Variants in TMCC2 observed in about 807,000 individuals in gnomAD.
TMCC2 encodes transmembrane and coiled-coil domain family 2, also known as transmembrane and coiled-coil domains protein 2.
TMCC2 carries 16 observed loss-of-function variants against 49.4 expected under a neutral mutation model. The observed-to-expected ratio is 0.32, with a 90% CI of 0.22 to 0.49. The LOEUF is 0.49. TMCC2 is among the 20% of genes least tolerant of loss of function. TMCC2 has a pLI of 0.99. For synonymous variants in TMCC2, 397 were observed against 434.1 expected (o/e 0.91, Z 1.06); for missense variants, 762 against 989.8 (o/e 0.77, Z 3.09).
rs1266026581 is a variant in TMCC2 at position 205,264,760 on chromosome 1, G to A, written c.748-4190G>A. On this transcript the variant is annotated intron_variant, in intron 2 of 4. Transcript: ENST00000358024. This position sits in a 1 kb window ranked among gnomAD's most constrained non-coding sequence, Gnocchi z 4.2. Reference sequence around the variant, plus strand: ...GCCCGCCTTGGCCTCCCAAAGTGCTGGGATTACAGGTGTGAGCCACTGCGC... The same window carrying A: ...GCCCGCCTTGGCCTCCCAAAGTGCTAGGATTACAGGTGTGAGCCACTGCGC... Among the ~76,000 whole-genome samples, 1 of 152,154 alleles carries A rather than the reference G, an allele frequency of 6.6e-6. No individual in the cohort carries two copies. Among genetic ancestry groups the A allele is most frequent in the Non-Finnish European group, 1.5e-5 (1 of 68,034 alleles).
At chr1:205,246,367 T>G in intron 2 of TMCC2, 3 of 591,130 alleles carry the variant, frequency 5.1e-6, no homozygotes, top group Non-Finnish European at 7.2e-6. Context: ...GAAGTGGCTA[T>G]TAAACATCCA....
Position 205,272,258 on chromosome 1 carries a change from T to G in TMCC2, c.*134T>G. On this transcript the variant is annotated 3_prime_UTR_variant, in exon 5 of 5. Coordinates refer to ENST00000358024, the MANE Select transcript of TMCC2 (RefSeq NM_014858.4). ...GTCCATTCCAGCAGCTCCTGCCCCC[T>G]TCTCTGTACTTGCTTCTGTCTGACA... 1.4e-6 allele frequency: 2 copies of G among 1,433,664 alleles called. No homozygotes were observed. The highest frequency in any genetic ancestry group is 1.8e-6 in the Non-Finnish European group (2 of 1,089,492). The allele number at this position is 1,433,664 out of a possible 1,614,324, so 88.8% of individuals were successfully genotyped here.
chr1:205,246,626 C>A, intron 2 of TMCC2: 1 of 1,550,322 alleles, frequency 6.5e-7, no homozygotes, highest in African/African-American at 1.4e-5. Context: ...CAGAATGAAC[C>A]AGGTTGTTCA....
At chr1:205,249,698 C>T (rs981456615) in intron 2 of TMCC2, among the ~76,000 whole-genome samples, 3 of 152,236 alleles carry the variant, frequency 2.0e-5, no homozygotes, top group African/African-American at 7.2e-5. Flanking sequence ...TGGTGGAGGG[C>T]AACTGCCTCC....
rs770054045 is a variant in TMCC2, at chr1:205,241,871, C to T, written c.574C>T (p.Arg192Cys). The change falls in exon 2 of 5, where the codon CGT becomes TGT. Residue 192 changes from arginine to cysteine, a missense_variant. By Grantham distance (180) the Arg-to-Cys change is radical. Transcript: ENST00000358024. The surrounding 1 kb of genome is among the most constrained non-coding windows in gnomAD (Gnocchi z 7.3). ...RTKSSSLEPQ[R>C]GSPHLLRKAP... ...CAAGAGTAGCTCCCTGGAGCCCCAG[C>T]GTGGCAGCCCTCACCTGCTGCGCAA... is the stretch of plus-strand genomic sequence containing the variant. The T allele has an allele frequency of 1.4e-5, 22 of 1,603,140 alleles. No individual in the cohort carries two copies. Among genetic ancestry groups the T allele is most frequent in the Admixed American group, 8.5e-5 (5 of 58,926 alleles).
In TMCC2 at chr1:205,241,108, C is replaced by T. The variant is rs1043505617; in HGVS notation, c.208-397C>T. Among the ~76,000 whole-genome samples the T allele has an allele frequency of 3.3e-5, 5 of 151,936 alleles. No individual in the cohort carries two copies. The East Asian group carries it at 7.7e-4, about 24-fold the overall frequency. On this transcript the variant is annotated intron_variant, in intron 1 of 4. Transcript: ENST00000358024. The surrounding 1 kb of genome is among the most constrained non-coding windows in gnomAD (Gnocchi z 7.3). ...AAAGAACTAGTACAGCTTGAAGGGT[C>T]GTCTAACTTGGAAGGAGGGAAGGAC...
In TMCC2 at chr1:205,241,922, G is replaced by T; in HGVS notation, c.625G>T (p.Ala209Ser). Residue 209 changes from alanine to serine, a missense_variant, in exon 2 of 5, where the codon GCC becomes TCC. Around this residue, in one of 2 missense-constraint regions of TMCC2, gnomAD observed 322 missense variants for 353.1 expected, o/e 0.91. Coordinates refer to ENST00000358024, the MANE Select transcript of TMCC2 (RefSeq NM_014858.4). The surrounding 1 kb of genome is among the most constrained non-coding windows in gnomAD (Gnocchi z 7.3). ...RKAPQDSSLAAILHQHQCRPR... is the reference protein window; with the variant it reads ...RKAPQDSSLASILHQHQCRPR... ...GGCCCCCCAGGACAGCAGCCTGGCC[G>T]CCATCCTGCACCAGCACCAGTGCCG... 1 of 1,610,414 alleles carries T rather than the reference G, an allele frequency of 6.2e-7. No individual in the cohort carries two copies. The highest frequency in any genetic ancestry group is 8.5e-7 in the Non-Finnish European group (1 of 1,179,464).
At chr1:205,257,419 G>A (rs1270071922) in intron 2 of TMCC2, 49 of 1,231,080 alleles carry the variant, frequency 4.0e-5, no homozygotes, top group Non-Finnish European at 4.8e-5. Context: ...GGGTGGAGTT[G>A]GGGGATGGGA....
chr1:205,254,660 G>A (rs1447792697), intron 2 of TMCC2, among the ~76,000 whole-genome samples: 1 of 152,188 alleles, frequency 6.6e-6, no homozygotes, highest in Non-Finnish European at 1.5e-5. Context: ...CTCTTGGAGT[G>A]GAGCTATAAC....
At chr1:205,246,290 A>C (rs1660449389) in intron 2 of TMCC2, among the ~76,000 whole-genome samples, 1 of 33,490 alleles carries the variant, frequency 3.0e-5, no homozygotes, top group East Asian at 1.0e-3. Flanking sequence ...GTACCTGGCA[A>C]GGGGTGTGAG....
chr1:205,238,702 C>T (rs1660152299), intron 1 of TMCC2, among the ~76,000 whole-genome samples: 1 of 152,088 alleles, frequency 6.6e-6, no homozygotes, highest in Admixed American at 6.6e-5. Context: ...ATGCAAATAC[C>T]CTATCTACTT....
At chr1:205,249,133 G>T (rs1660568022) in intron 2 of TMCC2, among the ~76,000 whole-genome samples, 4 of 152,168 alleles carry the variant, frequency 2.6e-5, no homozygotes. Context: ...AAGTGAGGAG[G>T]GTGGAGAGAT....
chr1:205,259,586 T>C (rs975577755), intron 2 of TMCC2, among the ~76,000 whole-genome samples: 1 of 152,246 alleles, frequency 6.6e-6, no homozygotes, highest in African/African-American at 2.4e-5. Flanking sequence ...GTCTACTGTG[T>C]GCCTCCCGGA....
intron 2 of TMCC2, chr1:205,246,558 C>G: frequency 1.3e-6 from 2 of 1,546,486 alleles, no homozygotes; most frequent in Non-Finnish European, 1.7e-6. Flanking sequence ...AGGAGCTCTG[C>G]ACGCGTTGGC....
intron 1 of TMCC2, among the ~76,000 whole-genome samples, chr1:205,237,875 A>C (rs939687691): frequency 3.9e-5 from 6 of 152,144 alleles, no homozygotes; most frequent in African/African-American, 1.4e-4. Flanking sequence ...AACTCCCCTC[A>C]CTTCCTTCCC....
At position 205,241,223 on chromosome 1, in the gene TMCC2, G is replaced by C. The variant is rs1660248878; in HGVS notation, c.208-282G>C. 6.6e-6 allele frequency among the ~76,000 whole-genome samples: 1 copy of C among 152,180 alleles called. No homozygotes were observed. Among genetic ancestry groups the C allele is most frequent in the South Asian group, 2.1e-4 (1 of 4,828 alleles). On this transcript the variant is annotated intron_variant, in intron 1 of 4. Transcript: ENST00000358024. This position sits in a 1 kb window ranked among gnomAD's most constrained non-coding sequence, Gnocchi z 7.3. ...TAAGCCCCAGACTGAAGCCCTGAGA[G>C]CATCATTCCTAGAAACTCTGAACCT...
Position 205,228,572 on chromosome 1 carries a change from G to A in TMCC2, c.8G>A (p.Arg3Lys). Residue 3 changes from arginine to lysine, a missense_variant, in exon 1 of 5, where the codon AGG becomes AAG. Physicochemically the swap from Arg to Lys is conservative, Grantham distance 26. Around this residue, in one of 2 missense-constraint regions of TMCC2, gnomAD observed 322 missense variants for 353.1 expected, o/e 0.91. Transcript: ENST00000358024. MKRCRSDELQQQQ... is the reference protein window; with the variant it reads MKKCRSDELQQQQ... Reference sequence around the variant, plus strand: ...TGCCGACCCACATACACCATGAAGAGGTGCAGATCGGACGAGCTGCAGCAA... The same window carrying A: ...TGCCGACCCACATACACCATGAAGAAGTGCAGATCGGACGAGCTGCAGCAA... 1 of 1,608,040 alleles carries A rather than the reference G, an allele frequency of 6.2e-7. No individual in the cohort carries two copies. The highest frequency in any genetic ancestry group is 8.5e-7 in the Non-Finnish European group (1 of 1,175,810).
rs1212409376 is a variant in TMCC2 at position 205,228,380 on chromosome 1, C to T, written c.-185C>T. The T allele has an allele frequency of 3.6e-6, 2 of 552,868 alleles. No individual in the cohort carries two copies. The highest frequency in any genetic ancestry group is 6.4e-6 in the Non-Finnish European group (2 of 311,228). The allele number at this position is 552,868 out of a possible 1,614,324, so 34.2% of individuals were successfully genotyped here. A position where few individuals can be genotyped will look rare whatever the true frequency, so the allele number is the denominator to read the frequency against. ...ATTCCAAGCTATAACCAAGGCTCCC[C>T]CTTCTCGCCCCTCCCTCACCCGCCT... On this transcript the variant is annotated 5_prime_UTR_variant, in exon 1 of 5. Coordinates refer to ENST00000358024, the MANE Select transcript of TMCC2 (RefSeq NM_014858.4).
rs74139134 is a variant in TMCC2, at chr1:205,270,395, A to C, written c.1682+511A>C. 8.3e-4 allele frequency among the ~76,000 whole-genome samples: 127 copies of C among 152,296 alleles called. 2 individuals are homozygous for C. The East Asian group carries it at 0.011, about 13-fold the overall frequency. On this transcript the variant is annotated intron_variant, in intron 3 of 4. Transcript: ENST00000358024. ...TATAGCTTCCAAAACATGAACCTCC[A>C]GTCGGAGCTCCTGGGGCCAGCCTGG...
Sources: allele counts gnomAD v4.1 joint callset (sites outside exome capture counted in the v4.1 genomes callset), GRCh38; gene constraint gnomAD v4.1.1; regional missense constraint gnomAD v4.1.1; non-coding constraint Gnocchi (gnomAD v3.1); transcripts MANE v1.5; gene names NCBI Gene and HGNC (gene_info 2026-07-23, HGNC 2026-07-21).